Variants in INPP4B observed in about 807,000 individuals in gnomAD.
INPP4B encodes the protein inositol polyphosphate-4-phosphatase type II B, also known as inositol polyphosphate 4-phosphatase type II.
Under a neutral mutation model 122.5 loss-of-function variants are expected in INPP4B, and 55 were observed. The ratio of observed to expected loss-of-function variants is 0.45; its 90% CI spans 0.36 to 0.56. INPP4B has a LOEUF of 0.56. INPP4B is among the 20% of genes least tolerant of loss of function. The pLI is 0.00. For synonymous variants in INPP4B, 403 were observed against 388.7 expected (o/e 1.04, Z -0.43); for missense variants, 1,000 against 1,097.7 (o/e 0.91, Z 1.26).
intron 25 of INPP4B, chr4:142,029,994 G>GA (rs1327156982): frequency 7.3e-7 from 1 of 1,374,296 alleles, no homozygotes; most frequent in Non-Finnish European, 9.4e-7. Flanking sequence ...TAGATTTTAG[G>GA]AAAAACAAAC....
chr4:142,709,837 C>T (rs1762898238), intron 2 of INPP4B, among the ~76,000 whole-genome samples: 1 of 152,136 alleles, frequency 6.6e-6, no homozygotes, highest in South Asian at 2.1e-4. Flanking sequence ...CTATCTATTG[C>T]CCACCTCTCA....
At chr4:142,837,839 A>T (rs1003822421) in intron 1 of INPP4B, among the ~76,000 whole-genome samples, 2 of 152,038 alleles carry the variant, frequency 1.3e-5, no homozygotes, top group African/African-American at 4.8e-5. Context: ...AAGAAAAATA[A>T]TGAGAAAAAT....
intron 11 of INPP4B, among the ~76,000 whole-genome samples, chr4:142,258,380 G>A (rs1408917547): frequency 1.3e-5 from 2 of 151,158 alleles, no homozygotes; most frequent in Non-Finnish European, 3.0e-5. Flanking sequence ...AAGAGCTTCT[G>A]CACAGCAAAA....
chr4:142,788,907 A>G (rs1776139794), intron 1 of INPP4B, among the ~76,000 whole-genome samples: 1 of 152,126 alleles, frequency 6.6e-6, no homozygotes, highest in Non-Finnish European at 1.5e-5. Flanking sequence ...GTTTTATGCC[A>G]GGGATGTAGG....
intron 2 of INPP4B, among the ~76,000 whole-genome samples, chr4:142,668,929 C>T (rs1756565553): frequency 6.6e-6 from 1 of 151,704 alleles, no homozygotes; most frequent in East Asian, 1.9e-4. Flanking sequence ...GTGGTGGGCA[C>T]ATGTAGTCCC....
chr4:142,218,054 G>GTA (rs1251784859), intron 12 of INPP4B, among the ~76,000 whole-genome samples: 1 of 151,904 alleles, frequency 6.6e-6, no homozygotes, highest in Non-Finnish European at 1.5e-5. Context: ...GTGTGTGTGT[G>GTA]TGTGTGTTCT....
rs1733729069 is a variant in INPP4B at position 142,253,578 on chromosome 4, A to G, written c.688+6914T>C. Among the ~76,000 whole-genome samples, 4 of 152,194 alleles carry G rather than the reference A, an allele frequency of 2.6e-5. No homozygotes were observed. In the South Asian group the frequency reaches 8.3e-4, roughly 31 times the overall value. On this transcript the variant is annotated intron_variant, in intron 11 of 25. Transcript: ENST00000262992. ...GGTCAGGGAGTTCCCTTTCCTAGTC[A>G]AAGAAAGGGGTGACAGACGGCACCT...
chr4:142,356,939 C>T (rs1473474200), intron 7 of INPP4B, among the ~76,000 whole-genome samples: 1 of 151,910 alleles, frequency 6.6e-6, no homozygotes, highest in African/African-American at 2.4e-5. Context: ...CAATAAAGAA[C>T]CCTAAACTAC....
At chr4:142,068,513 T>A (rs1209987905) in intron 25 of INPP4B, among the ~76,000 whole-genome samples, 1 of 152,026 alleles carries the variant, frequency 6.6e-6, no homozygotes, top group Non-Finnish European at 1.5e-5. Context: ...GGCTAAATGC[T>A]CCAATTAAAA....
intron 7 of INPP4B, among the ~76,000 whole-genome samples, chr4:142,336,773 G>A (rs1329597262): frequency 1.3e-5 from 2 of 152,210 alleles, no homozygotes; most frequent in Admixed American, 6.5e-5. Flanking sequence ...GCTGAACAAG[G>A]CCCCAGGCAG....
At chr4:142,670,158 C>CA (rs1014807592) in intron 2 of INPP4B, among the ~76,000 whole-genome samples, 5 of 152,104 alleles carry the variant, frequency 3.3e-5, no homozygotes, top group African/African-American at 7.2e-5. Context: ...GTTATCAGAT[C>CA]AAAAAAACAT....
At chr4:142,386,525 C>A (rs1796017686) in intron 7 of INPP4B, among the ~76,000 whole-genome samples, 1 of 152,176 alleles carries the variant, frequency 6.6e-6, no homozygotes, top group African/African-American at 2.4e-5. Context: ...GGAGTATGCA[C>A]CTGTAACAAC....
chr4:142,514,792 C>CTT (rs3078620), intron 2 of INPP4B, among the ~76,000 whole-genome samples: 16,889 of 121,362 alleles, frequency 0.14, 1,516 homozygotes, highest in East Asian at 0.33. Context: ...ACCATGATTT[C>CTT]TTTTTTTTTT....
intron 2 of INPP4B, among the ~76,000 whole-genome samples, chr4:142,686,910 G>T (rs1214746906): frequency 6.6e-6 from 1 of 152,040 alleles, no homozygotes; most frequent in African/African-American, 2.4e-5. Context: ...CATTTCACTG[G>T]AGATAGGGGA....
At chr4:142,361,462 G>A (rs1308936883) in intron 7 of INPP4B, among the ~76,000 whole-genome samples, 1 of 151,880 alleles carries the variant, frequency 6.6e-6, no homozygotes, top group Non-Finnish European at 1.5e-5. Flanking sequence ...AATTTTGTTA[G>A]GATTGGCAAT....
chr4:142,060,103 A>T (rs370001582), intron 25 of INPP4B, among the ~76,000 whole-genome samples: 1 of 152,138 alleles, frequency 6.6e-6, no homozygotes, highest in Non-Finnish European at 1.5e-5. Context: ...CGATTTTTCA[A>T]TGCAGGAATC....
At chr4:142,082,565 C>A (rs11729372) in intron 24 of INPP4B, among the ~76,000 whole-genome samples, 136,308 of 152,204 alleles carry the variant, frequency 0.9, 62,347 homozygotes, top group Non-Finnish European at 0.98. Flanking sequence ...AAACAAACAA[C>A]CAACCAAAAA....
At chr4:142,739,378 T>A (rs1187403919) in intron 1 of INPP4B, among the ~76,000 whole-genome samples, 2 of 151,980 alleles carry the variant, frequency 1.3e-5, no homozygotes, top group Admixed American at 6.6e-5. Context: ...AGGAAAGTAA[T>A]TGTTTAGAAT....
chr4:142,540,699 C>A (rs1029127900), intron 2 of INPP4B, among the ~76,000 whole-genome samples: 1 of 152,084 alleles, frequency 6.6e-6, no homozygotes, highest in Non-Finnish European at 1.5e-5. Context: ...AGGAATCATG[C>A]ATAGTGCTTT....
Sources: allele counts gnomAD v4.1 joint callset (sites outside exome capture counted in the v4.1 genomes callset), GRCh38; gene constraint gnomAD v4.1.1; transcripts MANE v1.5; gene names NCBI Gene and HGNC (gene_info 2026-07-23, HGNC 2026-07-21).